DYM: variants seen among roughly 807,000 people sequenced by gnomAD.
DYM encodes dymeclin.
A neutral mutation model predicts 93.1 loss-of-function variants in DYM; 78 were observed. The observed-to-expected ratio is 0.84, with a 90% CI of 0.70 to 1.01. The LOEUF (loss-of-function observed/expected upper bound fraction) is 1.01, where lower values mean the gene tolerates loss of function less well. DYM is among the 50% of genes least tolerant of loss of function. The pLI is 0.00. For synonymous variants in DYM, 321 were observed against 319.7 expected (o/e 1.00, Z -0.04); for missense variants, 789 against 845.0 (o/e 0.93, Z 0.82).
intron 8 of DYM, among the ~76,000 whole-genome samples, chr18:49,327,559 G>A (rs758188122): frequency 6.6e-6 from 1 of 151,934 alleles, no homozygotes; most frequent in Non-Finnish European, 1.5e-5. Context: ...GTCTCACTAT[G>A]CTGCCCAGGC....
At chr18:49,448,091 C>G (rs1235717064) in intron 1 of DYM, among the ~76,000 whole-genome samples, 2 of 152,186 alleles carry the variant, frequency 1.3e-5, no homozygotes, top group Non-Finnish European at 2.9e-5. Context: ...ATTCTCTTTC[C>G]TTTTTGTGCC....
intron 13 of DYM, among the ~76,000 whole-genome samples, chr18:49,238,528 T>C (rs945259301): frequency 7.2e-5 from 11 of 151,994 alleles, no homozygotes; most frequent in African/African-American, 2.7e-4. Context: ...ATATTAACTG[T>C]TGTATTAGTT....
At chr18:49,331,789 C>A in intron 8 of DYM, 75 bp downstream of exon 8, 1 of 1,545,630 alleles carries the variant, frequency 6.5e-7, no homozygotes, top group South Asian at 1.1e-5. Context: ...GGCAGCCAAG[C>A]AAACAGAATT....
chr18:49,105,520 G>T (rs1212110898), intron 16 of DYM, among the ~76,000 whole-genome samples: 3 of 152,010 alleles, frequency 2.0e-5, no homozygotes, highest in Admixed American at 6.6e-5. Flanking sequence ...TTTTAGATCT[G>T]TCCTGCTTTC....
intron 2 of DYM, among the ~76,000 whole-genome samples, chr18:49,420,835 T>C (rs1384726596): frequency 1.3e-5 from 2 of 152,104 alleles, no homozygotes; most frequent in East Asian, 3.9e-4. Context: ...TTTCCAACAA[T>C]CTTAGCAAAC....
chr18:49,323,024 G>C (rs192894656), intron 8 of DYM, among the ~76,000 whole-genome samples: 118 of 152,290 alleles, frequency 7.7e-4, no homozygotes, highest in African/African-American at 2.6e-3. Flanking sequence ...TCCCTCTTCT[G>C]TAATACCAAA....
At chr18:49,432,642 G>A (rs1188327201) in intron 1 of DYM, among the ~76,000 whole-genome samples, 1 of 113,602 alleles carries the variant, frequency 8.8e-6, no homozygotes, top group African/African-American at 3.5e-5. Flanking sequence ...GCCTCACTCT[G>A]TTGCTGAGTA....
chr18:49,411,344 G>T (rs1283896291), intron 2 of DYM, among the ~76,000 whole-genome samples: 1 of 152,018 alleles, frequency 6.6e-6, no homozygotes, highest in East Asian at 1.9e-4. Flanking sequence ...AAAATTATGT[G>T]AATTATAAAG....
intron 3 of DYM, among the ~76,000 whole-genome samples, chr18:49,383,871 C>A (rs1647300628): frequency 6.6e-6 from 1 of 152,078 alleles, no homozygotes; most frequent in Admixed American, 6.6e-5. Flanking sequence ...CAACAGCAAC[C>A]AGAGGATAAG....
chr18:49,238,456 A>C (rs1440929514), intron 13 of DYM, among the ~76,000 whole-genome samples: 4 of 151,622 alleles, frequency 2.6e-5, no homozygotes, highest in Non-Finnish European at 4.4e-5. Context: ...AATAGTATAT[A>C]ATAATATTAT....
chr18:49,259,915 A>T (rs2094463334), intron 11 of DYM, among the ~76,000 whole-genome samples: 1 of 152,214 alleles, frequency 6.6e-6, no homozygotes, highest in Admixed American at 6.5e-5. Context: ...TAAATAAATA[A>T]TAAACTGTGA....
At chr18:49,115,381 G>T (rs1478085650) in intron 16 of DYM, among the ~76,000 whole-genome samples, 1 of 152,180 alleles carries the variant, frequency 6.6e-6, no homozygotes, top group Non-Finnish European at 1.5e-5. Context: ...ACAATGAAAG[G>T]TACTGGGAAT....
chr18:49,202,355 C>G (rs2092073358), intron 14 of DYM, among the ~76,000 whole-genome samples: 1 of 151,844 alleles, frequency 6.6e-6, no homozygotes, highest in Admixed American at 6.6e-5. Flanking sequence ...ACCTACACCT[C>G]CCAGCCGCCT....
intron 6 of DYM, among the ~76,000 whole-genome samples, chr18:49,359,191 C>T (rs2147289377): frequency 6.6e-6 from 1 of 152,266 alleles, no homozygotes; most frequent in East Asian, 1.9e-4. Flanking sequence ...GTTTACTTCA[C>T]TGAGACACAG....
intron 5 of DYM, among the ~76,000 whole-genome samples, chr18:49,375,265 A>G (rs1435800472): frequency 6.6e-6 from 1 of 150,968 alleles, no homozygotes; most frequent in Non-Finnish European, 1.5e-5. Context: ...AGAAAAAAAT[A>G]TATATATATA....
chr18:49,079,858 C>T (rs2077649901), intron 17 of DYM, among the ~76,000 whole-genome samples: 1 of 151,524 alleles, frequency 6.6e-6, no homozygotes, highest in African/African-American at 2.4e-5. Flanking sequence ...CCCACCTTCC[C>T]CCCCTTTCTA....
chr18:49,360,618 C>G (rs1328567963), intron 6 of DYM, among the ~76,000 whole-genome samples: 1 of 148,692 alleles, frequency 6.7e-6, no homozygotes, highest in South Asian at 2.1e-4. Flanking sequence ...TAAGATCCAT[C>G]TCAAAAAAAA....
intron 14 of DYM, among the ~76,000 whole-genome samples, chr18:49,177,453 G>C (rs2089511005): frequency 6.6e-6 from 1 of 152,032 alleles, no homozygotes; most frequent in African/African-American, 2.4e-5. Flanking sequence ...AATCTCAACT[G>C]GAACTTTGAA....
In DYM at chr18:49,044,308, C is replaced by G. The variant is rs946110146; in HGVS notation, c.2026-104G>C. 4 of 1,237,140 alleles carry G rather than the reference C, an allele frequency of 3.2e-6. No individual in the cohort carries two copies. The Admixed American group carries it at 5.1e-5, about 16-fold the overall frequency. The allele number at this position is 1,237,140 out of a possible 1,614,324, so 76.6% of individuals were successfully genotyped here. On this transcript the variant is annotated intron_variant, in intron 17 of 17. Coordinates refer to ENST00000675505, the MANE Select transcript of DYM (RefSeq NM_001353214.3). Reference sequence around the variant, plus strand: ...TGTGGTGTGCGGGGAGCCCACCCACCCCTGCCAACTGGTCACAGGGCATGA... The same window carrying G: ...TGTGGTGTGCGGGGAGCCCACCCACGCCTGCCAACTGGTCACAGGGCATGA...
Sources: gnomAD v4.1 joint callset for allele counts (sites outside exome capture counted in the v4.1 genomes callset) on GRCh38, gnomAD v4.1.1 for gene constraint, MANE v1.5 for transcripts, NCBI Gene and HGNC (gene_info 2026-07-23, HGNC 2026-07-21) for gene names.